RRP15: variants seen among roughly 807,000 people sequenced by gnomAD.
The protein encoded by RRP15 is RRP15-like protein.
RRP15 carries 18 observed loss-of-function variants against 27.1 expected under a neutral mutation model. The observed-to-expected ratio is 0.66, with a 90% CI of 0.46 to 0.98. The LOEUF (loss-of-function observed/expected upper bound fraction) is 0.98. Among genes scored for constraint, RRP15 ranks in the 50% least tolerant of loss-of-function variants. RRP15 has a pLI of 0.00. For missense variants in RRP15, 359 were observed against 337.8 expected, an observed-to-expected ratio of 1.06 and a Z score of -0.49; for synonymous variants, 107 against 109.4, an observed-to-expected ratio of 0.98 and a Z score of 0.14.
At chr1:218,313,253 G>A (rs1024056789) in intron 4 of RRP15, among the ~76,000 whole-genome samples, 4 of 152,148 alleles carry the variant, frequency 2.6e-5, no homozygotes, top group African/African-American at 9.7e-5. Flanking sequence ...GAAGACAATT[G>A]CCATAATTAA....
At chr1:218,288,345 C>G (rs951553844) in intron 1 of RRP15, among the ~76,000 whole-genome samples, 3 of 152,136 alleles carry the variant, frequency 2.0e-5, no homozygotes, top group African/African-American at 7.2e-5. Context: ...GAGCTTATAG[C>G]ACCATAGGTT....
At chr1:218,330,726 T>C (rs1392567466) in intron 4 of RRP15, among the ~76,000 whole-genome samples, 1 of 152,132 alleles carries the variant, frequency 6.6e-6, no homozygotes, top group Non-Finnish European at 1.5e-5. Flanking sequence ...TTTTATGGAG[T>C]CCATACAATA....
rs949273366 is a variant in RRP15, at chr1:218,335,397, C to T, written c.*4306C>T. 3.9e-5 allele frequency: 6 copies of T among 152,102 alleles called. No individual in the cohort carries two copies. The highest frequency in any genetic ancestry group is 1.2e-4 in the African/African-American group (5 of 41,426). 9.4% of individuals were successfully genotyped at this position (152,102 alleles called of 1,614,324 possible). A position where few individuals can be genotyped will look rare whatever the true frequency, so the allele number is the denominator to read the frequency against. On this transcript the variant is annotated 3_prime_UTR_variant, in exon 5 of 5. Coordinates refer to ENST00000366932, the MANE Select transcript of RRP15 (RefSeq NM_016052.4). ...CTCTTTGGTTTTCAACTGAGTAAGG[C>T]AAGCAAGGATATATGTTAGAAGAGT...
At chr1:218,300,477 A>G (rs1428250095) in intron 1 of RRP15, among the ~76,000 whole-genome samples, 1 of 152,172 alleles carries the variant, frequency 6.6e-6, no homozygotes, top group Non-Finnish European at 1.5e-5. Flanking sequence ...GTATTACGCA[A>G]AAATAATGCC....
intron 4 of RRP15, among the ~76,000 whole-genome samples, chr1:218,308,713 A>C (rs912349125): frequency 3.9e-5 from 6 of 152,202 alleles, no homozygotes; most frequent in Non-Finnish European, 8.8e-5. Context: ...CTTGAATATC[A>C]AAGGGCTCAA....
intron 4 of RRP15, among the ~76,000 whole-genome samples, chr1:218,324,365 C>T (rs529444528): frequency 1.3e-5 from 2 of 152,190 alleles, no homozygotes; most frequent in Non-Finnish European, 2.9e-5. Flanking sequence ...AAGACGCGGC[C>T]GGCAGTGAGG....
At position 218,302,317 on chromosome 1, in the gene RRP15, C is replaced by A; in HGVS notation, c.163C>A (p.His55Asn). ...SEGSCGSEKD[H>N]FYSDDDAIEA... ...AGGAAGCTGTGGATCGGAAAAGGACCACTTTTATTCTGATGATGACGCAAT... is the reference window on the plus strand; with the variant it reads ...AGGAAGCTGTGGATCGGAAAAGGACAACTTTTATTCTGATGATGACGCAAT... The change falls in exon 2 of 5, where the codon CAC becomes AAC. Residue 55 changes from histidine to asparagine, a missense_variant. Coordinates refer to ENST00000366932, the MANE Select transcript of RRP15 (RefSeq NM_016052.4). The A allele has an allele frequency of 6.2e-7, 1 of 1,613,048 alleles. No homozygotes were observed. Among genetic ancestry groups the A allele is most frequent in the Non-Finnish European group, 8.5e-7 (1 of 1,179,450 alleles).
At chr1:218,324,339 G>C (rs1424779288) in intron 4 of RRP15, among the ~76,000 whole-genome samples, 1 of 152,204 alleles carries the variant, frequency 6.6e-6, no homozygotes, top group Non-Finnish European at 1.5e-5. Flanking sequence ...CTTCGGCCGG[G>C]TACTCGCGGG....
At chr1:218,297,461 A>G (rs560367994) in intron 1 of RRP15, among the ~76,000 whole-genome samples, 14 of 152,316 alleles carry the variant, frequency 9.2e-5, no homozygotes, top group African/African-American at 3.4e-4. Context: ...AGAACTTTAC[A>G]TATTTTAATT....
intron 4 of RRP15, among the ~76,000 whole-genome samples, chr1:218,328,861 G>T (rs1558213201): frequency 6.6e-6 from 1 of 152,020 alleles, no homozygotes; most frequent in Non-Finnish European, 1.5e-5. Context: ...TTTCGGTAAC[G>T]TGTTGATGGC....
At chr1:218,302,978 A>G (rs1278459181) in intron 2 of RRP15, among the ~76,000 whole-genome samples, 2 of 152,122 alleles carry the variant, frequency 1.3e-5, no homozygotes, top group East Asian at 3.9e-4. Flanking sequence ...TAACTCAAGG[A>G]TTGGTTGTAG....
At chr1:218,322,724 T>C (rs56238934) in intron 4 of RRP15, among the ~76,000 whole-genome samples, 73,067 of 151,926 alleles carry the variant, frequency 0.48, 18,677 homozygotes, top group African/African-American at 0.67. Context: ...CTCTGTATTC[T>C]TAATGTTACA....
At chr1:218,309,846 A>G (rs1034896793) in intron 4 of RRP15, among the ~76,000 whole-genome samples, 1 of 152,186 alleles carries the variant, frequency 6.6e-6, no homozygotes, top group Non-Finnish European at 1.5e-5. Context: ...CTAAATTAGT[A>G]TGTCAAGTAC....
chr1:218,285,549 CCTGGGT>C, intron 1 of RRP15, 94 bp downstream of exon 1: 1 of 1,551,546 alleles, frequency 6.4e-7, no homozygotes, highest in Non-Finnish European at 8.8e-7. Context: ...CTGCTAGCCA[CCTGGGT>C]TTTATCTTGG....
rs2102518510 is a variant in RRP15 at position 218,331,003 on chromosome 1, T to C, written c.761T>C (p.Met254Thr). 1 of 1,613,852 alleles carries C rather than the reference T, an allele frequency of 6.2e-7. No individual in the cohort carries two copies. Among genetic ancestry groups the C allele is most frequent in the Non-Finnish European group, 8.5e-7 (1 of 1,179,772 alleles). ...PGWTILRDDF[M>T]MGASMKDWDK... is the part of the protein sequence containing the mutation. ...TGGACGATCCTACGTGATGATTTCATGATGGGAGCATCTATGAAAGACTGG... is the reference window on the plus strand; with the variant it reads ...TGGACGATCCTACGTGATGATTTCACGATGGGAGCATCTATGAAAGACTGG... The change falls in exon 5 of 5, where the codon ATG (methionine) becomes ACG (threonine). Residue 254 changes from methionine (M) to threonine (T), a missense_variant. Physicochemically the swap from Met to Thr is moderately conservative, Grantham distance 81 (BLOSUM62 -1). Coordinates refer to ENST00000366932, the MANE Select transcript of RRP15 (RefSeq NM_016052.4).
intron 1 of RRP15, among the ~76,000 whole-genome samples, chr1:218,290,157 T>A (rs10863386): frequency 0.031 from 4,685 of 152,164 alleles, 214 homozygotes; most frequent in African/African-American, 0.1. Context: ...GTGTTTTTTT[T>A]AAAAAAAATC....
intron 4 of RRP15, among the ~76,000 whole-genome samples, chr1:218,318,527 G>T (rs1656124881): frequency 6.6e-6 from 1 of 152,094 alleles, no homozygotes; most frequent in African/African-American, 2.4e-5. Flanking sequence ...CTTCATTATG[G>T]TGTCATTTAT....
rs1259247157 is a variant in RRP15, at chr1:218,329,154, A to G, written c.706-1794A>G. ...GGTGGCTCTTGCCTATAATCCCAGC[A>G]CTTTGGGAAGCCAAGGCAGGTGGAT... On this transcript the variant is annotated intron_variant, in intron 4 of 4. Transcript: ENST00000366932. Among the ~76,000 whole-genome samples, 6 of 144,950 alleles carry G rather than the reference A, an allele frequency of 4.1e-5. No homozygotes were observed. In the Admixed American group the frequency reaches 4.5e-4, roughly 11 times the overall value.
chr1:218,298,472 C>T (rs1378601136), intron 1 of RRP15, among the ~76,000 whole-genome samples: 2 of 152,164 alleles, frequency 1.3e-5, no homozygotes, highest in African/African-American at 4.8e-5. Flanking sequence ...CTCATAAGTG[C>T]TCAGTGAATG....
Sources: allele counts gnomAD v4.1 joint callset (sites outside exome capture counted in the v4.1 genomes callset), GRCh38; gene constraint gnomAD v4.1.1; transcripts MANE v1.5; gene names NCBI Gene and HGNC (gene_info 2026-07-23, HGNC 2026-07-21).